The following CDH8 variants were observed in gnomAD, a reference collection of about 807,000 sequenced individuals.
The protein encoded by CDH8 is cadherin 8.
CDH8 carries 17 observed loss-of-function variants against 68.1 expected under a neutral mutation model. The ratio of observed to expected loss-of-function variants is 0.25; its 90% CI spans 0.17 to 0.37. The LOEUF (loss-of-function observed/expected upper bound fraction) is 0.37. Among genes scored for constraint, CDH8 ranks in the 10% least tolerant of loss-of-function variants. The probability of loss-of-function intolerance (pLI) is 1.00; values close to 1 mark genes in which losing one functional copy is unlikely to be tolerated. For synonymous variants in CDH8, 372 were observed against 365.1 expected (o/e 1.02, Z -0.21); for missense variants, 763 against 999.3 (o/e 0.76, Z 3.19).
intron 3 of CDH8, among the ~76,000 whole-genome samples, chr16:61,869,304 A>G (rs1400029214): frequency 6.6e-6 from 1 of 152,070 alleles, no homozygotes; most frequent in African/African-American, 2.4e-5. Flanking sequence ...AAGAAACATT[A>G]TTGCCTAGAC....
intron 10 of CDH8, among the ~76,000 whole-genome samples, chr16:61,656,058 G>T (rs1035258867): frequency 1.3e-5 from 2 of 152,010 alleles, no homozygotes; most frequent in Admixed American, 6.6e-5. Context: ...ATTTTTAGTA[G>T]AGACGGAGTT....
intron 2 of CDH8, among the ~76,000 whole-genome samples, chr16:61,978,453 T>C (rs1291607996): frequency 6.6e-6 from 1 of 152,228 alleles, no homozygotes; most frequent in Non-Finnish European, 1.5e-5. Context: ...TTTATCCAAA[T>C]AAAATGCTTG....
rs1288080241 is a variant in CDH8 at position 61,697,896 on chromosome 16, C to CA, written c.1654+15944dup. On this transcript the variant is annotated intron_variant, in intron 10 of 11. Coordinates refer to ENST00000577390, the MANE Select transcript of CDH8 (RefSeq NM_001796.5). Reference sequence around the variant, plus strand: ...ATAGGAAAAACGAAAAACAACCAAACAAAAAACAGGCTCATGCAACGTGCT... The same window carrying CA: ...ATAGGAAAAACGAAAAACAACCAAACAAAAAAACAGGCTCATGCAACGTGCT... 2.0e-5 allele frequency among the ~76,000 whole-genome samples: 3 copies of CA among 152,232 alleles called. No individual in the cohort carries two copies. The East Asian group carries it at 5.8e-4, about 29-fold the overall frequency.
chr16:61,879,393 T>C (rs571273268), intron 3 of CDH8, among the ~76,000 whole-genome samples: 2 of 152,328 alleles, frequency 1.3e-5, no homozygotes, highest in East Asian at 3.9e-4. Context: ...ACACATATCA[T>C]GTAAAATAAA....
chr16:61,864,347 T>A (rs1329473110), intron 3 of CDH8, among the ~76,000 whole-genome samples: 1 of 151,092 alleles, frequency 6.6e-6, no homozygotes, highest in African/African-American at 2.4e-5. Context: ...GGTTGGTTGA[T>A]TGAAAGTCTC....
chr16:61,926,794 G>A (rs1325472634), intron 2 of CDH8, among the ~76,000 whole-genome samples: 1 of 152,154 alleles, frequency 6.6e-6, no homozygotes, highest in Admixed American at 6.5e-5. Context: ...GGCATCTAGG[G>A]TGTGCTGAGC....
At chr16:61,782,844 G>T (rs1596963598) in intron 8 of CDH8, among the ~76,000 whole-genome samples, 1 of 151,942 alleles carries the variant, frequency 6.6e-6, no homozygotes, top group African/African-American at 2.4e-5. Flanking sequence ...CACCTCACAT[G>T]GCAGGGTATT....
intron 10 of CDH8, among the ~76,000 whole-genome samples, chr16:61,698,897 G>A (rs977216085): frequency 1.7e-4 from 26 of 152,126 alleles, no homozygotes; most frequent in African/African-American, 4.6e-4. Context: ...GTTGAAGTGG[G>A]AATATTTATG....
chr16:61,664,068 T>G (rs1963620930), intron 10 of CDH8, among the ~76,000 whole-genome samples: 1 of 151,966 alleles, frequency 6.6e-6, no homozygotes, highest in South Asian at 2.1e-4. Context: ...TGGCCTTTTC[T>G]GAGTCAAACA....
At chr16:61,804,488 TAG>T (rs1447587673) in intron 7 of CDH8, among the ~76,000 whole-genome samples, 1 of 149,218 alleles carries the variant, frequency 6.7e-6, no homozygotes, top group African/African-American at 2.5e-5. Context: ...CTGAAGGAAA[TAG>T]AGACACAAAA....
intron 2 of CDH8, among the ~76,000 whole-genome samples, chr16:61,961,052 A>G (rs1302271353): frequency 1.3e-5 from 2 of 152,122 alleles, no homozygotes; most frequent in Admixed American, 6.6e-5. Flanking sequence ...ACGGTGGCTC[A>G]TGCCTGTAAT....
At chr16:61,768,534 C>A (rs559192479) in intron 8 of CDH8, among the ~76,000 whole-genome samples, 2 of 151,272 alleles carry the variant, frequency 1.3e-5, no homozygotes, top group South Asian at 2.1e-4. Flanking sequence ...TATCAATGGG[C>A]GAGTCTTGAT....
chr16:61,855,336 T>C (rs1297597722), intron 4 of CDH8, among the ~76,000 whole-genome samples: 1 of 152,162 alleles, frequency 6.6e-6, no homozygotes, highest in Non-Finnish European at 1.5e-5. Flanking sequence ...GTCCAAATCC[T>C]CTCACTTAGC....
At chr16:61,675,622 A>T (rs184473944) in intron 10 of CDH8, among the ~76,000 whole-genome samples, 26,483 of 112,266 alleles carry the variant, frequency 0.24, 2,711 homozygotes, top group Middle Eastern at 0.29. Context: ...AAAAAATAAA[A>T]AAAATAAAAA....
At chr16:62,016,356 T>C (rs555818859) in intron 2 of CDH8, among the ~76,000 whole-genome samples, 1 of 152,340 alleles carries the variant, frequency 6.6e-6, no homozygotes, top group South Asian at 2.1e-4. Context: ...GGCAATGAAA[T>C]GCTCTGCAGA....
rs140282716 is a variant in CDH8, at chr16:61,968,664, C to T, written c.252+52488G>A. Reference sequence around the variant, plus strand: ...AAATGAGGCATCGTTTTTTAGACTCCAAGCATAATAAACTCTCATTTGCAT... The same window carrying T: ...AAATGAGGCATCGTTTTTTAGACTCTAAGCATAATAAACTCTCATTTGCAT... On this transcript the variant is annotated intron_variant, in intron 2 of 11. Transcript: ENST00000577390. Among the ~76,000 whole-genome samples, 3 of 152,250 alleles carry T rather than the reference C, an allele frequency of 2.0e-5. No individual in the cohort carries two copies. The East Asian group carries it at 5.8e-4, about 29-fold the overall frequency.
chr16:61,782,747 C>G (rs982628770), intron 8 of CDH8, among the ~76,000 whole-genome samples: 2 of 152,080 alleles, frequency 1.3e-5, no homozygotes, highest in Admixed American at 6.5e-5. Flanking sequence ...GATCTGAGAA[C>G]GGGCAGACTG....
chr16:62,035,166 C>G (rs764726499), intron 1 of CDH8: 1 of 152,260 alleles, frequency 6.6e-6, no homozygotes, highest in African/African-American at 2.4e-5. Flanking sequence ...GAGTAGGTCC[C>G]TTATGAACCT....
intron 2 of CDH8, among the ~76,000 whole-genome samples, chr16:61,926,191 G>C (rs911842583): frequency 1.4e-5 from 2 of 144,400 alleles, no homozygotes; most frequent in Non-Finnish European, 3.1e-5. Flanking sequence ...GTGTGTGTGT[G>C]TATACATTTA....
Sources: gnomAD v4.1 joint callset for allele counts (sites outside exome capture counted in the v4.1 genomes callset) on GRCh38, gnomAD v4.1.1 for gene constraint, MANE v1.5 for transcripts, NCBI Gene and HGNC (gene_info 2026-07-23, HGNC 2026-07-21) for gene names.